Variants in CDIN1 observed in about 807,000 individuals in gnomAD.
CDIN1 encodes the protein CDAN1 interacting nuclease 1.
In CDIN1, 33 loss-of-function variants were observed where a neutral mutation model predicts 45.3. That is an observed-to-expected ratio of 0.73 (90% CI 0.55 to 0.97). CDIN1 has a LOEUF of 0.97. CDIN1 is among the 50% of genes least tolerant of loss of function. The pLI, the probability that CDIN1 is intolerant of heterozygous loss-of-function variation, is 0.00. For synonymous variants in CDIN1, 118 were observed against 124.4 expected, an observed-to-expected ratio of 0.95 and a Z score of 0.34; for missense variants, 303 against 339.4, an observed-to-expected ratio of 0.89 and a Z score of 0.84.
intron 10 of CDIN1, among the ~76,000 whole-genome samples, chr15:36,801,517 G>A (rs545795853): frequency 3.3e-5 from 5 of 152,164 alleles, no homozygotes; most frequent in Non-Finnish European, 7.4e-5. Context: ...TCTTTTCTGG[G>A]AAAACAAATC....
chr15:36,615,276 C>T (rs2038838556), intron 1 of CDIN1, among the ~76,000 whole-genome samples: 1 of 152,174 alleles, frequency 6.6e-6, no homozygotes, highest in South Asian at 2.1e-4. Flanking sequence ...AGTTTCTTTC[C>T]CTACCCAGTG....
chr15:36,776,739 C>T (rs1027393489), intron 10 of CDIN1, among the ~76,000 whole-genome samples: 1 of 151,966 alleles, frequency 6.6e-6, no homozygotes, highest in African/African-American at 2.4e-5. Flanking sequence ...TAATTATTTC[C>T]CTGAGTAAAA....
At chr15:36,748,656 A>C (rs964528168) in intron 10 of CDIN1, among the ~76,000 whole-genome samples, 1 of 152,210 alleles carries the variant, frequency 6.6e-6, no homozygotes, top group African/African-American at 2.4e-5. Context: ...AGGTACCAAA[A>C]AAGTAAAAAC....
At chr15:36,728,296 C>T (rs1161077125) in intron 10 of CDIN1, among the ~76,000 whole-genome samples, 1 of 152,186 alleles carries the variant, frequency 6.6e-6, no homozygotes, top group Admixed American at 6.5e-5. Flanking sequence ...CTACCATTCA[C>T]AGTTCTTCAA....
intron 10 of CDIN1, among the ~76,000 whole-genome samples, chr15:36,806,155 T>C (rs931823212): frequency 6.6e-6 from 1 of 152,194 alleles, no homozygotes; most frequent in African/African-American, 2.4e-5. Context: ...GCATGAAATG[T>C]TCAGGTTCAC....
chr15:36,741,433 TA>T (rs1342626959), intron 10 of CDIN1, among the ~76,000 whole-genome samples: 2 of 151,292 alleles, frequency 1.3e-5, no homozygotes, highest in Non-Finnish European at 2.9e-5. Flanking sequence ...CAAATAATTA[TA>T]ATGACAATTT....
chr15:36,631,556 TTA>T (rs145038166), intron 1 of CDIN1, among the ~76,000 whole-genome samples: 2,264 of 152,358 alleles, frequency 0.015, 18 homozygotes, highest in Non-Finnish European at 0.022. Context: ...TTTTACAGAC[TTA>T]TCTGAGTCAT....
intron 8 of CDIN1, among the ~76,000 whole-genome samples, chr15:36,702,808 C>T (rs925146312): frequency 1.3e-5 from 2 of 152,036 alleles, no homozygotes; most frequent in Non-Finnish European, 2.9e-5. Context: ...TCTTAGCTCA[C>T]AAGGTCACAA....
At chr15:36,750,581 C>T (rs1467862783) in intron 10 of CDIN1, among the ~76,000 whole-genome samples, 1 of 152,122 alleles carries the variant, frequency 6.6e-6, no homozygotes. Flanking sequence ...TTGCTGATAG[C>T]TCAATACTTA....
rs576702062 is a variant in CDIN1 at position 36,708,302 on chromosome 15, TGGTCG to T, written c.545-918_545-914del. ...AGACCACACAGCCTTCCTTGTTACT[TGGTCG>T]GGCCATTAGTTGAGGTTGGGTGAAG... On this transcript the variant is annotated intron_variant, in intron 8 of 10. Transcript: ENST00000566621. 8.5e-5 allele frequency: 13 copies of T among 152,230 alleles called. No individual in the cohort carries two copies. The East Asian group carries it at 2.5e-3, about 29-fold the overall frequency. The allele number at this position is 152,230 out of a possible 1,614,324, so 9.4% of individuals were successfully genotyped here. A position where few individuals can be genotyped will look rare whatever the true frequency, so the allele number is the denominator to read the frequency against.
At chr15:36,786,404 A>G (rs191684104) in intron 10 of CDIN1, among the ~76,000 whole-genome samples, 2 of 152,308 alleles carry the variant, frequency 1.3e-5, no homozygotes, top group Admixed American at 6.5e-5. Flanking sequence ...AGATTTTTTA[A>G]TCGTAGTTGT....
intron 10 of CDIN1, among the ~76,000 whole-genome samples, chr15:36,771,063 G>C (rs2054064609): frequency 6.6e-6 from 1 of 152,216 alleles, no homozygotes. Context: ...ACATAGGAGT[G>C]CCTCAGGGGA....
At chr15:36,656,069 CAG>C (rs1412530058) in intron 4 of CDIN1, among the ~76,000 whole-genome samples, 4 of 152,156 alleles carry the variant, frequency 2.6e-5, no homozygotes, top group East Asian at 1.9e-4. Context: ...CAGACTAGTA[CAG>C]AAAGAATAGC....
chr15:36,686,910 A>T (rs2042077164), intron 5 of CDIN1, among the ~76,000 whole-genome samples: 1 of 132,498 alleles, frequency 7.5e-6, no homozygotes, highest in South Asian at 2.6e-4. Flanking sequence ...AGGGAGGGAG[A>T]GAGGGAAGGA....
At chr15:36,635,435 C>G (rs1463536145) in intron 1 of CDIN1, among the ~76,000 whole-genome samples, 1 of 152,054 alleles carries the variant, frequency 6.6e-6, no homozygotes, top group African/African-American at 2.4e-5. Flanking sequence ...AGACGTGAAA[C>G]CTGCATATCT....
chr15:36,694,918 C>T (rs1421381617), intron 7 of CDIN1, among the ~76,000 whole-genome samples: 1 of 152,056 alleles, frequency 6.6e-6, no homozygotes, highest in Non-Finnish European at 1.5e-5. Flanking sequence ...GTGGGATGCC[C>T]CTAGTAATGA....
At chr15:36,618,717 T>C in intron 1 of CDIN1, 3 of 784,100 alleles carry the variant, frequency 3.8e-6, no homozygotes, top group Non-Finnish European at 4.7e-6. Context: ...TGAGTACCAG[T>C]TCTCCATGTG....
chr15:36,776,672 C>A (rs2054226172), intron 10 of CDIN1, among the ~76,000 whole-genome samples: 1 of 152,092 alleles, frequency 6.6e-6, no homozygotes. Context: ...TTTATAGGAT[C>A]CTGGCCTAGA....
intron 10 of CDIN1, among the ~76,000 whole-genome samples, chr15:36,739,856 A>T (rs904040687): frequency 3.3e-5 from 5 of 152,190 alleles, no homozygotes; most frequent in African/African-American, 1.2e-4. Context: ...CACATATCAC[A>T]TCCAAAAAAT....
Sources: allele counts gnomAD v4.1 joint callset (sites outside exome capture counted in the v4.1 genomes callset), GRCh38; gene constraint gnomAD v4.1.1; transcripts MANE v1.5; gene names NCBI Gene and HGNC (gene_info 2026-07-23, HGNC 2026-07-21).